NOX4: variants seen among roughly 807,000 people sequenced by gnomAD.
NOX4 encodes NADPH oxidase 4.
In NOX4, 69 loss-of-function variants were observed where a neutral mutation model predicts 87.6. The ratio of observed to expected loss-of-function variants is 0.79; its 90% CI spans 0.65 to 0.96. NOX4 has a LOEUF of 0.96. Among genes scored for constraint, NOX4 ranks in the 40% least tolerant of loss-of-function variants. NOX4 has a pLI of 0.00. For missense variants in NOX4, 680 were observed against 681.5 expected, an observed-to-expected ratio of 1.00 and a Z score of 0.02; for synonymous variants, 275 against 238.2, an observed-to-expected ratio of 1.15 and a Z score of -1.42.
chr11:89,429,995 G>A (rs927829365), intron 7 of NOX4, among the ~76,000 whole-genome samples: 7 of 152,144 alleles, frequency 4.6e-5, no homozygotes, highest in African/African-American at 1.7e-4. Context: ...ACATCAAAAA[G>A]CTTATCCAAC....
At chr11:89,579,259 A>G in the NOX4 span, among the ~76,000 whole-genome samples, 1 of 152,196 alleles carries the variant, frequency 6.6e-6, no homozygotes, top group Non-Finnish European at 1.5e-5. Flanking sequence ...TCAAAAACTC[A>G]TAGAATGCAC....
At chr11:89,359,581 G>A (rs1661210840) in intron 12 of NOX4, among the ~76,000 whole-genome samples, 1 of 151,984 alleles carries the variant, frequency 6.6e-6, no homozygotes, top group Non-Finnish European at 1.5e-5. Flanking sequence ...TGCTATTCTT[G>A]TATAACCTAA....
At chr11:89,339,929 A>C in intron 15 of NOX4, 134 bp downstream of exon 15, 1 of 485,516 alleles carries the variant, frequency 2.1e-6, no homozygotes, top group South Asian at 4.4e-5. Context: ...TAAGAGACTT[A>C]TTTCTTTCCT....
chr11:89,575,660 G>C, the NOX4 span, among the ~76,000 whole-genome samples: 3 of 151,962 alleles, frequency 2.0e-5, no homozygotes, highest in African/African-American at 7.3e-5. Flanking sequence ...TTTTGTTTCT[G>C]TTTTTTACTT....
intron 12 of NOX4, among the ~76,000 whole-genome samples, chr11:89,369,962 T>C (rs562958751): frequency 9.2e-5 from 14 of 152,152 alleles, no homozygotes; most frequent in African/African-American, 3.4e-4. Flanking sequence ...GTAACACATG[T>C]TCTGTTTAAA....
At chr11:89,461,424 C>A (rs2135416462) in intron 2 of NOX4, among the ~76,000 whole-genome samples, 1 of 152,078 alleles carries the variant, frequency 6.6e-6, no homozygotes, top group East Asian at 1.9e-4. Context: ...GCTGGCGGAT[C>A]ATGAGGTCAG....
the NOX4 span, among the ~76,000 whole-genome samples, chr11:89,513,325 A>G: frequency 6.6e-5 from 10 of 152,028 alleles, no homozygotes; most frequent in African/African-American, 2.2e-4. Flanking sequence ...CGTCTAAAAA[A>G]AAAAAAATCA....
the NOX4 span, among the ~76,000 whole-genome samples, chr11:89,505,565 T>C: frequency 1.1e-4 from 16 of 151,550 alleles, no homozygotes; most frequent in Admixed American, 4.6e-4. Flanking sequence ...TCTCTGAAAT[T>C]TAGTATGCTG....
At chr11:89,566,046 T>C in the NOX4 span, among the ~76,000 whole-genome samples, 16 of 144,800 alleles carry the variant, frequency 1.1e-4, no homozygotes, top group South Asian at 2.1e-4. Context: ...TTTTTTTCTT[T>C]TTTTTTTTTT....
the NOX4 span, among the ~76,000 whole-genome samples, chr11:89,557,785 G>A: frequency 1.3e-5 from 2 of 152,202 alleles, no homozygotes; most frequent in Admixed American, 6.5e-5. Context: ...ACATGGGGTA[G>A]AGCAATGAGA....
chr11:89,424,232 AT>A (rs1489235802), intron 7 of NOX4, among the ~76,000 whole-genome samples: 1 of 151,568 alleles, frequency 6.6e-6, no homozygotes, highest in East Asian at 1.9e-4. Flanking sequence ...ATTTTATTCA[AT>A]TTTTCAAACT....
chr11:89,404,104 T>C (rs1942033338), intron 8 of NOX4, among the ~76,000 whole-genome samples: 1 of 152,176 alleles, frequency 6.6e-6, no homozygotes, highest in South Asian at 2.1e-4. Context: ...AATTGATAAA[T>C]ATTATACAAA....
intron 11 of NOX4, among the ~76,000 whole-genome samples, chr11:89,376,625 G>A (rs1210526121): frequency 1.3e-5 from 2 of 152,194 alleles, no homozygotes; most frequent in African/African-American, 4.8e-5. Context: ...GCTCACGCCT[G>A]TAATCCTAGC....
chr11:89,422,998 C>T (rs989953086), intron 7 of NOX4, among the ~76,000 whole-genome samples: 1 of 151,898 alleles, frequency 6.6e-6, no homozygotes, highest in African/African-American at 2.4e-5. Flanking sequence ...TGGGGTTTCA[C>T]CATGTTGGCC....
chr11:89,491,727 TACAC>T (rs66820323), upstream of NOX4, among the ~76,000 whole-genome samples: 68,144 of 140,504 alleles, frequency 0.48, 18,560 homozygotes, highest in Non-Finnish European at 0.65. Flanking sequence ...CGCCCCCTTG[TACAC>T]ACACACACAC....
chr11:89,332,651 T>C lies in NOX4; in HGVS notation c.1616+3194A>G, dbSNP rs151283609. ...TTGCAGCACCTCCCTACCTCCCATC[T>C]AAGGGGAACATGGTAAAATAAGATT... On this transcript the variant is annotated intron_variant, in intron 17 of 17. Coordinates refer to ENST00000263317, the MANE Select transcript of NOX4 (RefSeq NM_016931.5). 3.5e-3 allele frequency among the ~76,000 whole-genome samples: 535 copies of C among 151,988 alleles called. 8 individuals are homozygous for C. The highest frequency in any genetic ancestry group is 0.012 in the African/African-American group (507 of 41,536).
chr11:89,397,616 A>G (rs1345229610), intron 11 of NOX4, among the ~76,000 whole-genome samples: 1 of 152,176 alleles, frequency 6.6e-6, no homozygotes, highest in Non-Finnish European at 1.5e-5. Flanking sequence ...AGATGTAATA[A>G]AAATAATAAA....
chr11:89,515,644 A>G, the NOX4 span, among the ~76,000 whole-genome samples: 1 of 151,860 alleles, frequency 6.6e-6, no homozygotes, highest in African/African-American at 2.4e-5. Context: ...CTATACCAGG[A>G]TTGTAAAAAT....
chr11:89,490,795 T>A, intron 1 of NOX4: 1 of 697,068 alleles, frequency 1.4e-6, no homozygotes, highest in Non-Finnish European at 2.6e-6. Flanking sequence ...TCCTAAATGA[T>A]TTACAGCTAT....
Sources: allele counts gnomAD v4.1 joint callset (sites outside exome capture counted in the v4.1 genomes callset), GRCh38; gene constraint gnomAD v4.1.1; transcripts MANE v1.5; gene names NCBI Gene and HGNC (gene_info 2026-07-23, HGNC 2026-07-21).